UBA6: variants seen among roughly 807,000 people sequenced by gnomAD.
UBA6 encodes the protein ubiquitin-like modifier-activating enzyme 6.
UBA6 carries 87 observed loss-of-function variants against 148.3 expected under a neutral mutation model. The observed-to-expected ratio is 0.59, with a 90% CI of 0.49 to 0.70. The LOEUF is 0.70. Among genes scored for constraint, UBA6 ranks in the 30% least tolerant of loss-of-function variants. UBA6 has a pLI of 0.00. For synonymous variants in UBA6, 376 were observed against 401.0 expected (o/e 0.94, Z 0.75); for missense variants, 1,186 against 1,241.2 (o/e 0.96, Z 0.67).
Position 67,624,891 on chromosome 4 carries a change from C to T in UBA6, c.2712+103G>A, listed in dbSNP as rs184306198. On this transcript the variant is annotated intron_variant, in intron 29 of 32. Coordinates refer to ENST00000322244, the MANE Select transcript of UBA6 (RefSeq NM_018227.6). Reference sequence around the variant, plus strand: ...TAAATTATGAGATCCAATATTTATCCTTCCCTCTCTAACATCTCTGAGTGA... The same window carrying T: ...TAAATTATGAGATCCAATATTTATCTTTCCCTCTCTAACATCTCTGAGTGA... 3,103 of 904,644 alleles carry T rather than the reference C, an allele frequency of 3.4e-3. 11 individuals are homozygous for T. The highest frequency in any genetic ancestry group is 0.01 in the Middle Eastern group (38 of 3,678). 56.0% of individuals were successfully genotyped at this position (904,644 alleles called of 1,614,324 possible).
At chr4:67,634,749 G>T (rs1218610408) in intron 20 of UBA6, among the ~76,000 whole-genome samples, 2 of 151,838 alleles carry the variant, frequency 1.3e-5, no homozygotes, top group Admixed American at 6.6e-5. Flanking sequence ...TTTATTATTT[G>T]TGTACTCATT....
intron 13 of UBA6, among the ~76,000 whole-genome samples, chr4:67,657,078 A>G (rs1200171928): frequency 6.6e-6 from 1 of 152,244 alleles, no homozygotes; most frequent in Non-Finnish European, 1.5e-5. Context: ...GATAGGAAGA[A>G]TCAATATCAT....
Position 67,626,342 on chromosome 4 carries a change from A to C in UBA6, c.2518+18T>G. On this transcript the variant is annotated intron_variant, in intron 28 of 32. Transcript: ENST00000322244. Reference sequence around the variant, plus strand: ...AACTCATCCAGTTCAAAACATTTTTATAAAGATTTTCCCTTACTTTTGGTG... The same window carrying C: ...AACTCATCCAGTTCAAAACATTTTTCTAAAGATTTTCCCTTACTTTTGGTG... 6.6e-7 allele frequency: 1 copy of C among 1,523,194 alleles called. No individual in the cohort carries two copies. The highest frequency in any genetic ancestry group is 9.1e-7 in the Non-Finnish European group (1 of 1,100,136). The allele number at this position is 1,523,194 out of a possible 1,614,324, so 94.4% of individuals were successfully genotyped here.
chr4:67,638,835 G>A, intron 19 of UBA6, 108 bp downstream of exon 19: 1 of 771,818 alleles, frequency 1.3e-6, no homozygotes, highest in Non-Finnish European at 2.1e-6. Flanking sequence ...ACTACAATAG[G>A]AACATAAGGA....
intron 13 of UBA6, among the ~76,000 whole-genome samples, chr4:67,657,795 C>A (rs566752760): frequency 7.1e-6 from 1 of 140,114 alleles, no homozygotes; most frequent in East Asian, 2.1e-4. Context: ...GGGCTAATAT[C>A]CAGAATCTAC....
chr4:67,649,961 G>C (rs2170870), intron 13 of UBA6, among the ~76,000 whole-genome samples: 34,913 of 151,996 alleles, frequency 0.23, 4,175 homozygotes, highest in Middle Eastern at 0.3. Context: ...TGTACACAGA[G>C]GAGAGGACAG....
intron 13 of UBA6, among the ~76,000 whole-genome samples, chr4:67,650,060 T>G (rs1729516588): frequency 6.6e-6 from 1 of 152,136 alleles, no homozygotes; most frequent in Non-Finnish European, 1.5e-5. Flanking sequence ...ACTTTCTATA[T>G]CTCATTATTT....
intron 25 of UBA6, 74 bp from the exon 26 acceptor site, chr4:67,630,609 T>C (rs1002696314): frequency 8.8e-6 from 8 of 909,842 alleles, no homozygotes; most frequent in East Asian, 5.6e-5. Context: ...TTATGAACTA[T>C]AGCCTTTAAA....
intron 19 of UBA6, among the ~76,000 whole-genome samples, chr4:67,638,008 G>A (rs1437137493): frequency 6.6e-6 from 1 of 151,432 alleles, no homozygotes; most frequent in Non-Finnish European, 1.5e-5. Flanking sequence ...AAGAAAAAAA[G>A]CTAAACTAGA....
chr4:67,675,137 G>C (rs968372819), intron 6 of UBA6, among the ~76,000 whole-genome samples: 1 of 152,124 alleles, frequency 6.6e-6, no homozygotes, highest in African/African-American at 2.4e-5. Context: ...CCAAAGTGCT[G>C]GGATATTTTC....
chr4:67,622,954 A>G (rs1440161721), intron 31 of UBA6, 29 bp from the exon 32 acceptor site: 1 of 1,549,018 alleles, frequency 6.5e-7, no homozygotes, highest in African/African-American at 1.4e-5. Context: ...AAAAGAAACA[A>G]TGAAAGCCTC....
At chr4:67,664,618 T>C (rs1362516144) in intron 10 of UBA6, among the ~76,000 whole-genome samples, 1 of 152,094 alleles carries the variant, frequency 6.6e-6, no homozygotes, top group Non-Finnish European at 1.5e-5. Context: ...GATCCCTTAG[T>C]TCCCTGACAC....
chr4:67,626,484 A>G lies in UBA6; in HGVS notation c.2401-7T>C, dbSNP rs112349792. ...TTTCATCTGTTTGAACAACCTTTGA[A>G]TATATGAATATATTTTTATTAATGT... On this transcript the variant is annotated splice_polypyrimidine_tract_variant and splice_region_variant and intron_variant, in intron 27 of 32. Coordinates refer to ENST00000322244, the MANE Select transcript of UBA6 (RefSeq NM_018227.6). The G allele has an allele frequency of 3.3e-6, 5 of 1,510,034 alleles. No individual in the cohort carries two copies. The highest frequency in any genetic ancestry group is 4.6e-6 in the Non-Finnish European group (5 of 1,097,786). 93.5% of individuals were successfully genotyped at this position (1,510,034 alleles called of 1,614,324 possible).
chr4:67,638,400 TG>T, intron 19 of UBA6: 1 of 162,240 alleles, frequency 6.2e-6, no homozygotes, highest in Admixed American at 6.5e-5. Context: ...TTCGCCTCTG[TG>T]CCTGAAGCCA....
Position 67,677,718 on chromosome 4 carries a change from C to A in UBA6, c.358G>T (p.Glu120Ter). 6.5e-7 allele frequency: 1 copy of A among 1,546,938 alleles called. No homozygotes were observed. Among genetic ancestry groups the A allele is most frequent in the Non-Finnish European group, 8.8e-7 (1 of 1,132,790 alleles). Residue 120 changes from glutamate to a stop codon, truncating the protein, a stop_gained, in exon 6 of 33, where the codon GAA (glutamate) becomes TAA (stop). Coordinates refer to ENST00000322244, the MANE Select transcript of UBA6 (RefSeq NM_018227.6). LOFTEE classifies it high-confidence loss of function. The part of the protein sequence containing the change: ...DDVVNKRNRA[E>*]AVLKHIAELN... Reference sequence around the variant, plus strand: ...TCTGCAATATGTTTAAGTACAGCTTCAGCCCTAAAAAAATAAAATAAATTT... The same window carrying A: ...TCTGCAATATGTTTAAGTACAGCTTAAGCCCTAAAAAAATAAAATAAATTT...
At position 67,678,403 on chromosome 4, in the gene UBA6, A is replaced by T. The variant is rs190912032; in HGVS notation, c.353+36T>A. 5.2e-4 allele frequency: 701 copies of T among 1,342,982 alleles called. 6 individuals carry two copies. In the East Asian group the frequency reaches 0.014, roughly 27 times the overall value. The allele number at this position is 1,342,982 out of a possible 1,614,324, so 83.2% of individuals were successfully genotyped here. On this transcript the variant is annotated intron_variant, in intron 5 of 32. Coordinates refer to ENST00000322244, the MANE Select transcript of UBA6 (RefSeq NM_018227.6). The stretch of plus-strand genomic sequence containing the variant: ...GGAAATATTTTAAGTAAATAAATTT[A>T]AAAAAACTCATGATAATACATCAAA...
At chr4:67,644,864 T>C (rs1729386312) in intron 16 of UBA6, 86 bp from the exon 17 acceptor site, 1 of 642,772 alleles carries the variant, frequency 1.6e-6, no homozygotes, top group Non-Finnish European at 2.7e-6. Flanking sequence ...AGGTTTATTT[T>C]ACCACTGTTT....
chr4:67,699,024 A>G (rs1357977760), intron 1 of UBA6, among the ~76,000 whole-genome samples: 1 of 152,142 alleles, frequency 6.6e-6, no homozygotes, highest in Admixed American at 6.5e-5. Flanking sequence ...AAGGAAAAAA[A>G]CTAATCTAAA....
At chr4:67,621,822 A>C (rs1391076324) in intron 32 of UBA6, among the ~76,000 whole-genome samples, 1 of 152,194 alleles carries the variant, frequency 6.6e-6, no homozygotes, top group Non-Finnish European at 1.5e-5. Context: ...AACAAACAAT[A>C]AATATAAGCA....
Sources: allele counts gnomAD v4.1 joint callset (sites outside exome capture counted in the v4.1 genomes callset), GRCh38; gene constraint gnomAD v4.1.1; transcripts MANE v1.5; gene names NCBI Gene and HGNC (gene_info 2026-07-23, HGNC 2026-07-21).